The following KIF1A variants were observed in gnomAD, a reference collection of about 807,000 sequenced individuals.
KIF1A encodes kinesin family member 1A.
In KIF1A, 46 loss-of-function variants were observed where a neutral mutation model predicts 227.3. The ratio of observed to expected loss-of-function variants is 0.20; its 90% CI spans 0.16 to 0.26. KIF1A has a LOEUF of 0.26. Ranked by LOEUF, KIF1A falls within the 10% of genes least tolerant of loss-of-function variation. KIF1A has a pLI of 1.00. For synonymous variants in KIF1A, 1,022 were observed against 1,012.8 expected, an observed-to-expected ratio of 1.01 and a Z score of -0.17; for missense variants, 1,683 against 2,485.9, an observed-to-expected ratio of 0.68 and a Z score of 6.87.
In KIF1A at chr2:240,778,098, G is replaced by A. The variant is rs892467173; in HGVS notation, c.883-2172C>T. Among the ~76,000 whole-genome samples the A allele has an allele frequency of 1.3e-5, 2 of 151,866 alleles. No homozygotes were observed. The highest frequency in any genetic ancestry group is 4.2e-4 in the South Asian group (2 of 4,800). On this transcript the variant is annotated intron_variant, in intron 10 of 48. Coordinates refer to ENST00000498729, the MANE Select transcript of KIF1A (RefSeq NM_001244008.2). This position sits in a 1 kb window ranked among gnomAD's most constrained non-coding sequence, Gnocchi z 7.2. Reference sequence around the variant, plus strand: ...CGCACTTCCTCGCGTTTCTCCACACGGTTCTTCACGCAGCTCCTCCTGCTT... The same window carrying A: ...CGCACTTCCTCGCGTTTCTCCACACAGTTCTTCACGCAGCTCCTCCTGCTT...
chr2:240,760,589 C>G (rs2050388247), intron 25 of KIF1A, 76 bp downstream of exon 25: 3 of 1,215,732 alleles, frequency 2.5e-6, no homozygotes. Context: ...AAGCCTGTGC[C>G]TACCACCGCT....
intron 1 of KIF1A, among the ~76,000 whole-genome samples, chr2:240,819,208 C>T (rs897286781): frequency 3.3e-5 from 5 of 152,166 alleles, no homozygotes; most frequent in African/African-American, 4.8e-5. Flanking sequence ...GGGAAGTCAG[C>T]GTGAGGAGCG....
At chr2:240,813,042 T>TCACCTCGGGGATCC (rs1553642834) in intron 1 of KIF1A, among the ~76,000 whole-genome samples, 1 of 150,080 alleles carries the variant, frequency 6.7e-6, no homozygotes, top group African/African-American at 2.4e-5. Context: ...AGGATCCACT[T>TCACCTCGGGGATCC]GCTCCCAGTT....
intron 43 of KIF1A, among the ~76,000 whole-genome samples, chr2:240,722,239 G>A (rs760330231): frequency 6.6e-5 from 10 of 152,218 alleles, no homozygotes; most frequent in African/African-American, 9.6e-5. Context: ...GTGATTCATC[G>A]CTTGGGAAGG....
At chr2:240,718,838 A>G (rs1042617387) in intron 47 of KIF1A, among the ~76,000 whole-genome samples, 168 bp downstream of exon 47, 2 of 152,238 alleles carry the variant, frequency 1.3e-5, no homozygotes, top group Non-Finnish European at 2.9e-5. Flanking sequence ...GGGCAAGGAC[A>G]GAGGATCCCT....
chr2:240,730,618 C>G (rs2046492160), intron 38 of KIF1A, among the ~76,000 whole-genome samples: 1 of 152,166 alleles, frequency 6.6e-6, no homozygotes, highest in African/African-American at 2.4e-5. Context: ...CAGGGCTGAC[C>G]CTCCTCGCCC....
chr2:240,773,336 C>T lies in KIF1A; in HGVS notation c.1038-80G>A. The T allele has an allele frequency of 2.6e-6, 4 of 1,561,546 alleles. No individual in the cohort carries two copies. In the Admixed American group the frequency reaches 6.9e-5, roughly 27 times the overall value. ...GTCCCAAGGGTGCCTAGAGCCCTGC[C>T]CAAGACCCAGCCTTTTGGGCTCAGC... is the stretch of plus-strand genomic sequence containing the variant. On this transcript the variant is annotated intron_variant, in intron 12 of 48. Transcript: ENST00000498729.
In KIF1A at chr2:240,771,084, T is replaced by C. The variant is rs1462159561; in HGVS notation, c.1228A>G (p.Met410Val). The C allele has an allele frequency of 3.7e-6, 6 of 1,613,536 alleles. No individual in the cohort carries two copies. Among genetic ancestry groups the C allele is most frequent in the Admixed American group, 1.7e-5 (1 of 59,992 alleles). ...GPKLTNALVG[M>V]SPSSSLSALS... is the part of the protein sequence containing the mutation. ...GCTGAGAGCGAGGATGAGGGGCTCA[T>C]ACCCACCAGGGCATTGGTCACTGTG... Residue 410 changes from methionine (M) to valine (V), a missense_variant, in exon 15 of 49, where the codon ATG (methionine) becomes GTG (valine). By Grantham distance (21) the Met-to-Val change is conservative. Around this residue, in one of 12 missense-constraint regions of KIF1A, gnomAD observed 110 missense variants for 133.1 expected, o/e 0.83. Coordinates refer to ENST00000498729, the MANE Select transcript of KIF1A (RefSeq NM_001244008.2).
intron 12 of KIF1A, 28 bp downstream of exon 12, chr2:240,774,155 G>A (rs761794518): frequency 1.4e-6 from 2 of 1,453,882 alleles, no homozygotes; most frequent in Non-Finnish European, 1.9e-6. Context: ...GGAGCGGGAA[G>A]CAGAGCTTGT....
chr2:240,754,934 G>A (rs917287465), intron 27 of KIF1A, among the ~76,000 whole-genome samples: 14 of 152,074 alleles, frequency 9.2e-5, no homozygotes, highest in African/African-American at 2.7e-4. Context: ...AACGTTTATC[G>A]ACCCAGCCCT....
chr2:240,772,613 C>G lies in KIF1A; in HGVS notation c.1181-17G>C. The G allele has an allele frequency of 6.6e-7, 1 of 1,511,346 alleles. No homozygotes were observed. Among genetic ancestry groups the G allele is most frequent in the Non-Finnish European group, 9.0e-7 (1 of 1,112,646 alleles). 93.6% of individuals were successfully genotyped at this position (1,511,346 alleles called of 1,614,324 possible). ...CAGTGTTGGCTATGGGGGAGGGAAGCGTGGGGGAGGGGGAGAGACAGAGAA... is the reference window on the plus strand; with the variant it reads ...CAGTGTTGGCTATGGGGGAGGGAAGGGTGGGGGAGGGGGAGAGACAGAGAA... On this transcript the variant is annotated splice_polypyrimidine_tract_variant and intron_variant, in intron 13 of 48. Transcript: ENST00000498729.
chr2:240,807,565 T>C (rs1308390019), intron 1 of KIF1A, among the ~76,000 whole-genome samples: 1 of 152,218 alleles, frequency 6.6e-6, no homozygotes, highest in Non-Finnish European at 1.5e-5. Context: ...GGAAAAACAT[T>C]TGTACATGTT....
In KIF1A at chr2:240,740,170, T is replaced by A. The variant is rs2047785792; in HGVS notation, c.3817-28A>T. 1 of 1,584,266 alleles carries A rather than the reference T, an allele frequency of 6.3e-7. No homozygotes were observed. Among genetic ancestry groups the A allele is most frequent in the East Asian group, 2.3e-5 (1 of 43,552 alleles). On this transcript the variant is annotated intron_variant, in intron 36 of 48. Transcript: ENST00000498729. The surrounding 1 kb of genome is among the most constrained non-coding windows in gnomAD (Gnocchi z 6.1). ...GCCGGTGCCAGGTGAGAGGATATGG[T>A]CAGACGGCTCAGGGGGCTACGTAGG...
At chr2:240,791,457 C>T (rs1414593838) in intron 2 of KIF1A, among the ~76,000 whole-genome samples, 1 of 143,500 alleles carries the variant, frequency 7.0e-6, no homozygotes, top group Non-Finnish European at 1.5e-5. Flanking sequence ...TCGCCTCACC[C>T]GGCTGCACTC....
Position 240,792,803 on chromosome 2 carries a change from A to T in KIF1A, c.107-3491T>A, listed in dbSNP as rs13391711. ...ACGAAGTCAGGGACCTCATGGTGGGATGAGTGGCTTTAAAGGAGGGGAAGG... is the reference window on the plus strand; with the variant it reads ...ACGAAGTCAGGGACCTCATGGTGGGTTGAGTGGCTTTAAAGGAGGGGAAGG... On this transcript the variant is annotated intron_variant, in intron 2 of 48. Transcript: ENST00000498729. This position sits in a 1 kb window ranked among gnomAD's most constrained non-coding sequence, Gnocchi z 4.5. Among the ~76,000 whole-genome samples the T allele has an allele frequency of 0.013, 2,004 of 152,176 alleles. 31 individuals carry two copies. The highest frequency in any genetic ancestry group is 0.045 in the African/African-American group (1,862 of 41,502).
Position 240,794,685 on chromosome 2 carries a change from G to A in KIF1A, c.106+2962C>T, listed in dbSNP as rs191468844. 2.6e-5 allele frequency among the ~76,000 whole-genome samples: 4 copies of A among 152,332 alleles called. No homozygotes were observed. In the East Asian group the frequency reaches 5.8e-4, roughly 22 times the overall value. ...TTTGACCACTTGCTGGATAACCTTC[G>A]TTGCATTTCACGCAAGCAGCCTGGT... is the stretch of plus-strand genomic sequence containing the variant. On this transcript the variant is annotated intron_variant, in intron 2 of 48. Transcript: ENST00000498729.
rs920170527 is a variant in KIF1A, at chr2:240,717,309, G to A, written c.*55C>T. On this transcript the variant is annotated 3_prime_UTR_variant, in exon 49 of 49. Coordinates refer to ENST00000498729, the MANE Select transcript of KIF1A (RefSeq NM_001244008.2). ...CTGGGCGGCAGGTGACAGGACAGAC[G>A]AGGATGAGGGAGGGGATGGGCTGGG... 3.9e-6 allele frequency: 6 copies of A among 1,533,226 alleles called. No homozygotes were observed. The highest frequency in any genetic ancestry group is 2.3e-5 in the East Asian group (1 of 44,444). The allele number at this position is 1,533,226 out of a possible 1,614,324, so 95.0% of individuals were successfully genotyped here. A position where few individuals can be genotyped will look rare whatever the true frequency, so the allele number is the denominator to read the frequency against.
chr2:240,767,377 C>A lies in KIF1A; in HGVS notation c.1498-32G>T, dbSNP rs754661547. On this transcript the variant is annotated intron_variant, in intron 17 of 48. Transcript: ENST00000498729. The stretch of plus-strand genomic sequence containing the variant: ...GGAGACAGGAGGATCATCTCTCTTG[C>A]AGAGGGGCAGGAGCCTGATGCTGGC... 1.6e-5 allele frequency: 25 copies of A among 1,574,986 alleles called. No homozygotes were observed. The East Asian group carries it at 5.6e-4, about 35-fold the overall frequency.
Position 240,778,788 on chromosome 2 carries a change from T to A in KIF1A, c.883-2862A>T, listed in dbSNP as rs551050497. Among the ~76,000 whole-genome samples the A allele has an allele frequency of 2.0e-5, 3 of 151,530 alleles. No individual in the cohort carries two copies. In the South Asian group the frequency reaches 6.3e-4, roughly 32 times the overall value. ...TTCTGCGCACCGTTCCACACACGGT[T>A]CCTCACCGCTCCCCACGTTTCCCAA... On this transcript the variant is annotated intron_variant, in intron 10 of 48. Coordinates refer to ENST00000498729, the MANE Select transcript of KIF1A (RefSeq NM_001244008.2). This position sits in a 1 kb window ranked among gnomAD's most constrained non-coding sequence, Gnocchi z 7.2.
Sources: gnomAD v4.1 joint callset for allele counts (sites outside exome capture counted in the v4.1 genomes callset) on GRCh38, gnomAD v4.1.1 for gene constraint, gnomAD v4.1.1 regional missense constraint, Gnocchi (gnomAD v3.1) non-coding constraint, MANE v1.5 for transcripts, NCBI Gene and HGNC (gene_info 2026-07-23, HGNC 2026-07-21) for gene names.